The following AGBL4 variants were observed in gnomAD, a reference collection of about 807,000 sequenced individuals.
The protein encoded by AGBL4 is cytosolic carboxypeptidase 6.
In AGBL4, 58 loss-of-function variants were observed where a neutral mutation model predicts 66.4. The ratio of observed to expected loss-of-function variants is 0.87; its 90% CI spans 0.71 to 1.09. AGBL4 has a LOEUF of 1.09. Ranked by LOEUF, AGBL4 falls within the 50% of genes least tolerant of loss-of-function variation. The pLI is 0.00. For synonymous variants in AGBL4, 234 were observed against 222.9 expected (o/e 1.05, Z -0.44); for missense variants, 579 against 631.0 (o/e 0.92, Z 0.88).
At chr1:49,441,826 A>C (rs756613563) in intron 3 of AGBL4, among the ~76,000 whole-genome samples, 143 of 152,246 alleles carry the variant, frequency 9.4e-4, no homozygotes, top group Middle Eastern at 3.4e-3. Context: ...TGTGGACACC[A>C]CTCAGCCTCT....
At chr1:49,931,428 A>T (rs1356749862) in intron 1 of AGBL4, among the ~76,000 whole-genome samples, 1 of 152,200 alleles carries the variant, frequency 6.6e-6, no homozygotes, top group East Asian at 1.9e-4. Context: ...GGAAACTTAC[A>T]ATCATGATGG....
intron 5 of AGBL4, among the ~76,000 whole-genome samples, chr1:49,021,776 C>G (rs2149023011): frequency 6.6e-6 from 1 of 152,244 alleles, no homozygotes; most frequent in South Asian, 2.1e-4. Flanking sequence ...ATCAGAAAAC[C>G]AAGGTCACGC....
rs2148066916 is a variant in AGBL4 at position 49,852,991 on chromosome 1, T to C, written c.35-1473A>G. Among the ~76,000 whole-genome samples, 2 of 152,186 alleles carry C rather than the reference T, an allele frequency of 1.3e-5. 1 individual carries two copies. Among genetic ancestry groups the C allele is most frequent in the South Asian group, 4.1e-4 (2 of 4,824 alleles). ...GACACAAGCCCCCACCCAAATGAGG[T>C]GGAAAGAGATATCCATTTATAGTAA... On this transcript the variant is annotated intron_variant, in intron 1 of 13. Transcript: ENST00000371839.
At chr1:49,748,925 A>G (rs1397561830) in intron 2 of AGBL4, among the ~76,000 whole-genome samples, 1 of 152,150 alleles carries the variant, frequency 6.6e-6, no homozygotes, top group African/African-American at 2.4e-5. Context: ...TCAGATGGAT[A>G]GATTGCAAAA....
chr1:49,190,945 C>G (rs1239527487), intron 4 of AGBL4, among the ~76,000 whole-genome samples: 1 of 152,142 alleles, frequency 6.6e-6, no homozygotes, highest in East Asian at 1.9e-4. Flanking sequence ...AAAATGAAAA[C>G]CTTTGTTCTC....
chr1:48,944,393 C>T (rs573120259), intron 5 of AGBL4, among the ~76,000 whole-genome samples: 1 of 152,268 alleles, frequency 6.6e-6, no homozygotes, highest in South Asian at 2.1e-4. Flanking sequence ...CTATCGCAGG[C>T]ATGAGCAGGG....
At chr1:50,005,331 G>T (rs1007492488) in intron 1 of AGBL4, among the ~76,000 whole-genome samples, 1 of 152,164 alleles carries the variant, frequency 6.6e-6, no homozygotes, top group Admixed American at 6.5e-5. Context: ...AGGTAAGAGA[G>T]TAAGAGTTCT....
chr1:49,113,867 G>T (rs1270892975), intron 4 of AGBL4, among the ~76,000 whole-genome samples: 3 of 152,142 alleles, frequency 2.0e-5, no homozygotes, highest in Non-Finnish European at 4.4e-5. Context: ...GGTCTCAACA[G>T]TAGGCTTAAA....
At chr1:49,918,866 C>A (rs538381999) in intron 1 of AGBL4, among the ~76,000 whole-genome samples, 1 of 152,168 alleles carries the variant, frequency 6.6e-6, no homozygotes, top group African/African-American at 2.4e-5. Context: ...CCAGCAGCAC[C>A]TCAAAAAGCT....
At chr1:49,628,683 G>A (rs956628748) in intron 3 of AGBL4, among the ~76,000 whole-genome samples, 2 of 152,140 alleles carry the variant, frequency 1.3e-5, no homozygotes, top group African/African-American at 4.8e-5. Flanking sequence ...TCAATATCAT[G>A]TTCTGTTCAA....
intron 1 of AGBL4, among the ~76,000 whole-genome samples, chr1:49,997,688 T>C (rs1192954261): frequency 1.3e-5 from 2 of 152,070 alleles, no homozygotes; most frequent in African/African-American, 4.8e-5. Context: ...ACGTAAACTA[T>C]ACCCTAGAAC....
chr1:48,608,288 TG>T (rs1645182300), intron 9 of AGBL4, among the ~76,000 whole-genome samples: 2 of 152,142 alleles, frequency 1.3e-5, no homozygotes, highest in South Asian at 2.1e-4. Flanking sequence ...AGAAGAGGCC[TG>T]GGAGCACATG....
chr1:49,268,164 T>A (rs727021), intron 3 of AGBL4: 65,989 of 152,008 alleles, frequency 0.43, 16,923 homozygotes, highest in Non-Finnish European at 0.58. Context: ...TAGGCCAACC[T>A]ATAATGCACC....
At chr1:49,085,727 G>A (rs1035471984) in intron 4 of AGBL4, among the ~76,000 whole-genome samples, 30 of 152,104 alleles carry the variant, frequency 2.0e-4, no homozygotes, top group African/African-American at 6.7e-4. Flanking sequence ...CAGAAGAAAG[G>A]GTGAGTAAGT....
intron 6 of AGBL4, among the ~76,000 whole-genome samples, chr1:48,798,113 C>T (rs374817265): frequency 1.3e-5 from 2 of 152,120 alleles, no homozygotes; most frequent in Non-Finnish European, 2.9e-5. Flanking sequence ...AAAGTGTCCT[C>T]TTTTTACCAC....
intron 6 of AGBL4, among the ~76,000 whole-genome samples, chr1:48,731,924 T>C (rs1648202161): frequency 6.6e-6 from 1 of 151,922 alleles, no homozygotes. Context: ...GGTTACATAA[T>C]GGAGAGAGGA....
At chr1:49,991,270 C>A (rs1659920467) in intron 1 of AGBL4, among the ~76,000 whole-genome samples, 1 of 151,808 alleles carries the variant, frequency 6.6e-6, no homozygotes, top group Non-Finnish European at 1.5e-5. Context: ...TTATTAGAGA[C>A]AATATAATAT....
intron 4 of AGBL4, among the ~76,000 whole-genome samples, chr1:49,070,340 C>A (rs1311366700): frequency 6.6e-6 from 1 of 151,868 alleles, no homozygotes; most frequent in African/African-American, 2.4e-5. Context: ...CCAGTTTTTG[C>A]CCATTCAGTA....
intron 4 of AGBL4, among the ~76,000 whole-genome samples, chr1:49,199,157 T>G (rs1647483565): frequency 6.6e-6 from 1 of 152,166 alleles, no homozygotes; most frequent in African/African-American, 2.4e-5. Context: ...AAAAGTACCA[T>G]TATTATGCCC....
Sources: gnomAD v4.1 joint callset for allele counts (sites outside exome capture counted in the v4.1 genomes callset) on GRCh38, gnomAD v4.1.1 for gene constraint, MANE v1.5 for transcripts, NCBI Gene and HGNC (gene_info 2026-07-23, HGNC 2026-07-21) for gene names.